The following N4BP2 variants were observed in gnomAD, a reference collection of about 807,000 sequenced individuals.
N4BP2 encodes NEDD4-binding protein 2.
In N4BP2, 91 loss-of-function variants were observed where a neutral mutation model predicts 152.8. The observed-to-expected ratio is 0.60, with a 90% CI of 0.50 to 0.71. The LOEUF is 0.71. Ranked by LOEUF, N4BP2 falls within the 30% of genes least tolerant of loss-of-function variation. The pLI, the probability that N4BP2 is intolerant of heterozygous loss-of-function variation, is 0.00. For missense variants in N4BP2, 1,923 were observed against 2,059.1 expected (o/e 0.93, Z 1.28); for synonymous variants, 646 against 705.3 (o/e 0.92, Z 1.33).
intron 3 of N4BP2, among the ~76,000 whole-genome samples, chr4:40,099,333 C>T (rs1715397920): frequency 6.6e-6 from 1 of 152,194 alleles, no homozygotes. Flanking sequence ...ACCTCAGCCT[C>T]CCGAGTTAAA....
the N4BP2 span, among the ~76,000 whole-genome samples, chr4:40,172,820 A>G: frequency 1.3e-5 from 2 of 152,140 alleles, no homozygotes; most frequent in Non-Finnish European, 2.9e-5. Flanking sequence ...CTTCCCAACA[A>G]TGTGTTTTAT....
At chr4:40,126,932 T>G (rs1718461645) in intron 12 of N4BP2, among the ~76,000 whole-genome samples, 3 of 152,006 alleles carry the variant, frequency 2.0e-5, no homozygotes, top group African/African-American at 4.8e-5. Context: ...TAATTTTTAG[T>G]AATTTTAGTA....
chr4:40,059,455 C>A (rs889959624), intron 1 of N4BP2, among the ~76,000 whole-genome samples: 1 of 151,952 alleles, frequency 6.6e-6, no homozygotes, highest in African/African-American at 2.4e-5. Flanking sequence ...TGCAGTGGCG[C>A]TATCTTGTCT....
chr4:40,069,686 T>C (rs1480125018), intron 1 of N4BP2, among the ~76,000 whole-genome samples: 1 of 152,166 alleles, frequency 6.6e-6, no homozygotes, highest in Non-Finnish European at 1.5e-5. Context: ...GGGGAGAGGA[T>C]TGCTTGAAGC....
In N4BP2 at chr4:40,121,154, AC is replaced by A. The variant is rs749421803; in HGVS notation, c.3046del (p.Gln1016ArgfsTer13). On this transcript the variant is annotated frameshift_variant, in exon 9 of 18. Transcript: ENST00000261435. LOFTEE classifies it high-confidence loss of function. ...RDPGKEVGMCTQTEPQDFALL... is the reference protein window; with the variant it reads ...RDPGKEVGMCXQTEPQDFALL... Reference sequence around the variant, plus strand: ...CCCTGGAAAAGAAGTAGGCATGTGCACCCAGACTGAACCACAGGATTTTGCT... The same window carrying A: ...CCCTGGAAAAGAAGTAGGCATGTGCACCAGACTGAACCACAGGATTTTGCT... The A allele has an allele frequency of 6.2e-7, 1 of 1,614,206 alleles. No homozygotes were observed. Among genetic ancestry groups the A allele is most frequent in the South Asian group, 1.1e-5 (1 of 91,086 alleles).
At chr4:40,114,145 A>C (rs1055993863) in intron 7 of N4BP2, among the ~76,000 whole-genome samples, 2 of 152,206 alleles carry the variant, frequency 1.3e-5, no homozygotes, top group African/African-American at 4.8e-5. Flanking sequence ...CTTGAATAAA[A>C]ATGTTAGTCA....
At chr4:40,112,264 A>G in intron 6 of N4BP2, 92 bp downstream of exon 6, 3 of 781,218 alleles carry the variant, frequency 3.8e-6, no homozygotes, top group Non-Finnish European at 4.3e-6. Flanking sequence ...GCACTTAAGA[A>G]TCTCAGAACC....
chr4:40,067,646 C>T (rs950034860), intron 1 of N4BP2, among the ~76,000 whole-genome samples: 2 of 152,102 alleles, frequency 1.3e-5, no homozygotes, highest in Non-Finnish European at 2.9e-5. Flanking sequence ...ACGTTCCTAC[C>T]AGTAGTACAC....
chr4:40,110,268 C>G (rs1716743523), intron 5 of N4BP2, among the ~76,000 whole-genome samples: 2 of 152,202 alleles, frequency 1.3e-5, no homozygotes, highest in Non-Finnish European at 2.9e-5. Context: ...AAGAACAGTG[C>G]TGCTATAAAC....
the N4BP2 span, among the ~76,000 whole-genome samples, chr4:40,168,901 T>C: frequency 6.6e-6 from 1 of 152,064 alleles, no homozygotes; most frequent in Non-Finnish European, 1.5e-5. Flanking sequence ...ATTTTTTGTA[T>C]TTTTAGTAGA....
At chr4:40,159,168 A>AT (rs1395299140), downstream of N4BP2, among the ~76,000 whole-genome samples, 1 of 152,184 alleles carries the variant, frequency 6.6e-6, no homozygotes, top group African/African-American at 2.4e-5. Flanking sequence ...CTGACTCCTA[A>AT]TATGGAGCAG....
At position 40,121,943 on chromosome 4, in the gene N4BP2, A is replaced by T; in HGVS notation, c.3832A>T (p.Ile1278Leu). The change falls in exon 9 of 18, where the codon ATA becomes TTA. Residue 1278 changes from isoleucine to leucine, a missense_variant. Transcript: ENST00000261435. ...AGTAGTCACAGAGACTGGAGACAACATACATTCTCCTTCACATTTCTCTGA... is the reference window on the plus strand; with the variant it reads ...AGTAGTCACAGAGACTGGAGACAACTTACATTCTCCTTCACATTTCTCTGA... ...NLVVTETGDN[I>L]HSPSHFSDIF... 6.3e-7 allele frequency: 1 copy of T among 1,575,870 alleles called. No homozygotes were observed. The highest frequency in any genetic ancestry group is 2.2e-5 in the East Asian group (1 of 44,592).
chr4:40,063,870 C>G (rs1037686886), intron 1 of N4BP2, among the ~76,000 whole-genome samples: 1 of 152,058 alleles, frequency 6.6e-6, no homozygotes, highest in Non-Finnish European at 1.5e-5. Context: ...GTCTTGAACT[C>G]CTGACCTCAG....
intron 14 of N4BP2, chr4:40,142,424 T>G: frequency 2.6e-6 from 1 of 380,242 alleles, no homozygotes; most frequent in South Asian, 4.1e-5. Flanking sequence ...TGTATTTTGA[T>G]AATTTTAGAG....
At chr4:40,180,891 C>G in the N4BP2 span, among the ~76,000 whole-genome samples, 1 of 152,198 alleles carries the variant, frequency 6.6e-6, no homozygotes, top group East Asian at 1.9e-4. Context: ...GTGGCTCACA[C>G]CTGTAATCCC....
At chr4:40,151,702 G>C (rs1171640642) in intron 16 of N4BP2, among the ~76,000 whole-genome samples, 1 of 152,214 alleles carries the variant, frequency 6.6e-6, no homozygotes, top group African/African-American at 2.4e-5. Context: ...TTTGTGCACT[G>C]TGAATACCTT....
chr4:40,166,218 A>G, the N4BP2 span, among the ~76,000 whole-genome samples: 3 of 152,138 alleles, frequency 2.0e-5, no homozygotes, highest in African/African-American at 7.2e-5. Flanking sequence ...CACAGTAATA[A>G]GTTTTTTCCC....
intron 17 of N4BP2, 28 bp downstream of exon 17, chr4:40,152,931 T>C (rs772749628): frequency 1.2e-6 from 2 of 1,609,344 alleles, no homozygotes; most frequent in South Asian, 2.2e-5. Context: ...TTATTAATAA[T>C]GGCAACTGCC....
At chr4:40,187,269 C>A in the N4BP2 span, among the ~76,000 whole-genome samples, 1 of 151,406 alleles carries the variant, frequency 6.6e-6, no homozygotes, top group Non-Finnish European at 1.5e-5. Context: ...ATTTTTAATA[C>A]TGTAAATGGA....
Sources: allele counts gnomAD v4.1 joint callset (sites outside exome capture counted in the v4.1 genomes callset), GRCh38; gene constraint gnomAD v4.1.1; transcripts MANE v1.5; gene names NCBI Gene and HGNC (gene_info 2026-07-23, HGNC 2026-07-21).